The following SLC35D2 variants were observed in gnomAD, a reference collection of about 807,000 sequenced individuals.
SLC35D2 encodes the protein solute carrier family 35 member D2, also known as nucleotide sugar transporter SLC35D2.
SLC35D2 carries 43 observed loss-of-function variants against 41.8 expected under a neutral mutation model. The observed-to-expected ratio is 1.03, with a 90% CI of 0.81 to 1.33. The LOEUF (loss-of-function observed/expected upper bound fraction) is 1.33. Among genes scored for constraint, SLC35D2 ranks in the 40% most tolerant of loss-of-function variants. The pLI, the probability that SLC35D2 is intolerant of heterozygous loss-of-function variation, is 0.00. For missense variants in SLC35D2, 380 were observed against 408.4 expected (o/e 0.93, Z 0.60); for synonymous variants, 150 against 163.9 (o/e 0.92, Z 0.65).
chr9:96,326,725 G>A (rs1828548370), intron 9 of SLC35D2, among the ~76,000 whole-genome samples: 1 of 151,260 alleles, frequency 6.6e-6, no homozygotes, highest in African/African-American at 2.4e-5. Flanking sequence ...AGAATTGCTT[G>A]AGCCTGAGAG....
At chr9:96,315,854 C>G (rs1003555097), downstream of SLC35D2, among the ~76,000 whole-genome samples, 1 of 152,068 alleles carries the variant, frequency 6.6e-6, no homozygotes, top group Non-Finnish European at 1.5e-5. Flanking sequence ...AAACCAATTA[C>G]CAAAAACCAG....
Position 96,360,208 on chromosome 9 carries a change from G to T in SLC35D2, c.293C>A (p.Pro98His). 6.2e-7 allele frequency: 1 copy of T among 1,611,550 alleles called. No individual in the cohort carries two copies. ...KKIPVKLFPL[P>H]LLYVGNHISG... ...TATGTGGTTTCCAACGTAGAGGAGA[G>T]GCAGAGGAAACAGCTTCCATTAAAA... The change falls in exon 4 of 12, where the codon CCT becomes CAT. Residue 98 changes from proline to histidine, a missense_variant. Transcript: ENST00000253270.
At chr9:96,374,678 TAAAA>T (rs199722043) in intron 1 of SLC35D2, among the ~76,000 whole-genome samples, 1 of 126,680 alleles carries the variant, frequency 7.9e-6, no homozygotes, top group Non-Finnish European at 1.7e-5. Context: ...ACTAAAAAAA[TAAAA>T]AAAAAATTAG....
intron 9 of SLC35D2, among the ~76,000 whole-genome samples, chr9:96,333,392 C>A (rs1386383309): frequency 6.6e-6 from 1 of 150,576 alleles, no homozygotes; most frequent in Non-Finnish European, 1.5e-5. Flanking sequence ...GTCAGGAGAT[C>A]GAGACCATCC....
At chr9:96,354,902 A>T (rs1310817152) in intron 4 of SLC35D2, among the ~76,000 whole-genome samples, 1 of 151,710 alleles carries the variant, frequency 6.6e-6, no homozygotes, top group East Asian at 1.9e-4. Flanking sequence ...AAACATTGTT[A>T]AAAAAATTTA....
Position 96,324,078 on chromosome 9 carries a change from T to G in SLC35D2, c.831+13A>C. The G allele has an allele frequency of 6.2e-7, 1 of 1,607,178 alleles. No homozygotes were observed. ...TGACTCAGTTGTTCCCTTCCAAGTT[T>G]CCATCCACTCACCTTGATGGCTCCA... On this transcript the variant is annotated intron_variant, in intron 10 of 11. Transcript: ENST00000253270.
At chr9:96,319,399 A>G (rs1445946111), downstream of SLC35D2, among the ~76,000 whole-genome samples, 1 of 152,104 alleles carries the variant, frequency 6.6e-6, no homozygotes, top group Admixed American at 6.6e-5. Context: ...GCAAGATGAA[A>G]AAGTTCTAGA....
At chr9:96,327,512 G>T (rs2130848928) in intron 9 of SLC35D2, among the ~76,000 whole-genome samples, 2 of 152,314 alleles carry the variant, frequency 1.3e-5, no homozygotes, top group Middle Eastern at 6.8e-3. Context: ...TGAGCCAAGG[G>T]AGGAGAATCC....
chr9:96,317,062 T>C (rs974083045), downstream of SLC35D2, among the ~76,000 whole-genome samples: 1 of 150,576 alleles, frequency 6.6e-6, no homozygotes, highest in African/African-American at 2.4e-5. Context: ...GGTGTGAAAC[T>C]GGAAGGCGGA....
intron 11 of SLC35D2, among the ~76,000 whole-genome samples, 166 bp from the exon 12 acceptor site, chr9:96,321,507 A>G (rs1828223977): frequency 6.6e-6 from 1 of 152,148 alleles, no homozygotes; most frequent in Admixed American, 6.6e-5. Flanking sequence ...ATTTCCCCTT[A>G]TTTACAAGCC....
Position 96,340,552 on chromosome 9 carries a change from G to A in SLC35D2, c.684+3352C>T, listed in dbSNP as rs543538961. Among the ~76,000 whole-genome samples the A allele has an allele frequency of 3.2e-4, 47 of 146,534 alleles. 1 individual carries two copies. The highest frequency in any genetic ancestry group is 3.0e-4 in the Non-Finnish European group (20 of 66,936). On this transcript the variant is annotated intron_variant, in intron 8 of 11. Transcript: ENST00000253270. ...GGAGAATCGCTTGAACCCAGGAGGC[G>A]GAGGTTGCAGTGAGTCGAGATCATG...
At chr9:96,363,552 A>C (rs1433090178) in intron 3 of SLC35D2, among the ~76,000 whole-genome samples, 2 of 152,228 alleles carry the variant, frequency 1.3e-5, no homozygotes, top group African/African-American at 2.4e-5. Flanking sequence ...GCAACTGTTC[A>C]ACAAACGTTA....
chr9:96,353,730 C>G (rs1375588121), intron 4 of SLC35D2, among the ~76,000 whole-genome samples: 1 of 152,174 alleles, frequency 6.6e-6, no homozygotes, highest in Admixed American at 6.5e-5. Flanking sequence ...GGCTAAACTG[C>G]CTTAAAATAT....
At chr9:96,347,814 G>A (rs1829643781) in intron 6 of SLC35D2, among the ~76,000 whole-genome samples, 1 of 152,164 alleles carries the variant, frequency 6.6e-6, no homozygotes, top group Non-Finnish European at 1.5e-5. Flanking sequence ...CTTGCTGATA[G>A]GCCAAAACCC....
intron 6 of SLC35D2, among the ~76,000 whole-genome samples, chr9:96,347,109 A>T (rs1829614903): frequency 6.6e-6 from 1 of 152,208 alleles, no homozygotes; most frequent in South Asian, 2.1e-4. Context: ...AGCCTGAGCA[A>T]CAAGAGCGAA....
intron 11 of SLC35D2, among the ~76,000 whole-genome samples, 187 bp from the exon 12 acceptor site, chr9:96,321,528 G>GA (rs1033847901): frequency 2.6e-5 from 4 of 152,160 alleles, no homozygotes; most frequent in Non-Finnish European, 5.9e-5. Context: ...TTTGGAGGCA[G>GA]AAAAAGAGTC....
At position 96,383,586 on chromosome 9, in the gene SLC35D2, C is replaced by G. The variant is rs1266108550; in HGVS notation, c.49G>C (p.Gly17Arg). 2 of 1,448,434 alleles carry G rather than the reference C, an allele frequency of 1.4e-6. No individual in the cohort carries two copies. Among genetic ancestry groups the G allele is most frequent in the Non-Finnish European group, 1.8e-6 (2 of 1,098,542 alleles). 89.7% of individuals were successfully genotyped at this position (1,448,434 alleles called of 1,614,324 possible). ...AEAEGAGGEP[G>R]AARLPSRVAR... ...ACCCGCGAGGGCAGCCGCGCCGCGC[C>G]GGGCTCCCCGCCAGCGCCCTCGGCC... Residue 17 changes from glycine (G) to arginine (R), a missense_variant, in exon 1 of 12, where the codon GGC (glycine) becomes CGC (arginine). Physicochemically the swap from Gly to Arg is moderately radical, Grantham distance 125. Coordinates refer to ENST00000253270, the MANE Select transcript of SLC35D2 (RefSeq NM_007001.3).
chr9:96,364,446 A>G lies in SLC35D2; in HGVS notation c.279+18T>C, dbSNP rs1830400639. 2 of 1,409,494 alleles carry G rather than the reference A, an allele frequency of 1.4e-6. No individual in the cohort carries two copies. Among genetic ancestry groups the G allele is most frequent in the South Asian group, 1.2e-5 (1 of 85,744 alleles). 87.3% of individuals were successfully genotyped at this position (1,409,494 alleles called of 1,614,324 possible). On this transcript the variant is annotated intron_variant, in intron 3 of 11. Transcript: ENST00000253270. Reference sequence around the variant, plus strand: ...TTCACATCTTCTATCACAGTCATACATACTTTTCATTACTTACCTTTACAG... The same window carrying G: ...TTCACATCTTCTATCACAGTCATACGTACTTTTCATTACTTACCTTTACAG...
At chr9:96,354,847 C>A (rs1414596138) in intron 4 of SLC35D2, among the ~76,000 whole-genome samples, 1 of 144,948 alleles carries the variant, frequency 6.9e-6, no homozygotes, top group Non-Finnish European at 1.5e-5. Context: ...TTCTTAGACA[C>A]AATTTTAACA....
Sources: allele counts gnomAD v4.1 joint callset (sites outside exome capture counted in the v4.1 genomes callset), GRCh38; gene constraint gnomAD v4.1.1; transcripts MANE v1.5; gene names NCBI Gene and HGNC (gene_info 2026-07-23, HGNC 2026-07-21).